Variants in GLI3 observed in about 807,000 individuals in gnomAD.
GLI3 encodes the protein transcription activator GLI3.
Under a neutral mutation model 100.8 loss-of-function variants are expected in GLI3, and 20 were observed. The ratio of observed to expected loss-of-function variants is 0.20; its 90% CI spans 0.14 to 0.29. GLI3 has a LOEUF of 0.29. Among genes scored for constraint, GLI3 ranks in the 10% least tolerant of loss-of-function variants. The pLI is 1.00. For synonymous variants in GLI3, 938 were observed against 860.5 expected (o/e 1.09, Z -1.58); for missense variants, 2,040 against 2,128.5 (o/e 0.96, Z 0.82).
intron 2 of GLI3, among the ~76,000 whole-genome samples, chr7:42,187,917 C>T (rs1192383035): frequency 6.7e-6 from 1 of 148,870 alleles, no homozygotes; most frequent in Admixed American, 6.8e-5. Flanking sequence ...GCAGGAGAAT[C>T]GCTCGAACCC....
In GLI3 at chr7:42,052,272, T is replaced by C. The variant is rs570350061; in HGVS notation, c.474-3576A>G. On this transcript the variant is annotated intron_variant, in intron 4 of 14. Coordinates refer to ENST00000395925, the MANE Select transcript of GLI3 (RefSeq NM_000168.6). Reference sequence around the variant, plus strand: ...ATTATGAATAAAGCTGCTATAAACATCTGTGTCCAGGTTTTTTGTGTGGAA... The same window carrying C: ...ATTATGAATAAAGCTGCTATAAACACCTGTGTCCAGGTTTTTTGTGTGGAA... 2.0e-5 allele frequency among the ~76,000 whole-genome samples: 3 copies of C among 152,340 alleles called. No homozygotes were observed. In the South Asian group the frequency reaches 6.2e-4, roughly 32 times the overall value.
chr7:42,051,171 G>A (rs989654281), intron 4 of GLI3, among the ~76,000 whole-genome samples: 2 of 152,204 alleles, frequency 1.3e-5, no homozygotes, highest in African/African-American at 4.8e-5. Context: ...AGAAGCAACA[G>A]TGGAAAGGAG....
At chr7:42,200,179 A>C (rs1434287201) in intron 2 of GLI3, among the ~76,000 whole-genome samples, 1 of 152,206 alleles carries the variant, frequency 6.6e-6, no homozygotes, top group Non-Finnish European at 1.5e-5. Flanking sequence ...TCCGTCATGG[A>C]GGTCACGGAG....
intron 6 of GLI3, among the ~76,000 whole-genome samples, chr7:42,041,123 G>A (rs529611872): frequency 5.3e-5 from 8 of 152,306 alleles, no homozygotes; most frequent in South Asian, 2.1e-4. Context: ...GCATGATAAC[G>A]AGGTACAATG....
chr7:42,104,395 T>C (rs1452229008), intron 3 of GLI3, among the ~76,000 whole-genome samples: 1 of 152,102 alleles, frequency 6.6e-6, no homozygotes, highest in Non-Finnish European at 1.5e-5. Context: ...CCACTTCCCA[T>C]CTCTACAGTG....
At chr7:42,112,743 C>T (rs970637792) in intron 3 of GLI3, among the ~76,000 whole-genome samples, 8 of 152,112 alleles carry the variant, frequency 5.3e-5, no homozygotes, top group Admixed American at 2.6e-4. Context: ...GGGCTAGAAA[C>T]GTGTTCTCCC....
intron 2 of GLI3, among the ~76,000 whole-genome samples, chr7:42,213,347 C>T (rs1410645136): frequency 6.6e-6 from 1 of 152,208 alleles, no homozygotes; most frequent in Non-Finnish European, 1.5e-5. Flanking sequence ...CTGAAATGGT[C>T]ACTTCGGGAA....
intron 3 of GLI3, among the ~76,000 whole-genome samples, chr7:42,132,693 C>T (rs1188332664): frequency 3.3e-5 from 5 of 152,198 alleles, no homozygotes; most frequent in African/African-American, 4.8e-5. Context: ...TCTTTATAAC[C>T]TCTCAGTGGA....
chr7:42,244,439 T>G (rs1462547162), intron 1 of GLI3, among the ~76,000 whole-genome samples: 1 of 152,174 alleles, frequency 6.6e-6, no homozygotes, highest in Non-Finnish European at 1.5e-5. Flanking sequence ...AACCAGCACT[T>G]TTGTATGAAG....
rs757597719 is a variant in GLI3 at position 41,972,495 on chromosome 7, G to A, written c.1945C>T (p.Arg649Trp). Reference sequence around the variant, plus strand: ...CCGGAATCTCTCGGGGGTGGCGGCCGAGGATGGATGTCCCCTCGCTGCTTC... The same window carrying A: ...CCGGAATCTCTCGGGGGTGGCGGCCAAGGATGGATGTCCCCTCGCTGCTTC... ...TKKQRGDIHP[R>W]PPPPRDSGSH... Residue 649 changes from arginine (R) to tryptophan (W), a missense_variant, in exon 13 of 15, where the codon CGG (arginine) becomes TGG (tryptophan). Around this residue, in one of 5 missense-constraint regions of GLI3, gnomAD observed 327 missense variants for 338.7 expected, o/e 0.97. Coordinates refer to ENST00000395925, the MANE Select transcript of GLI3 (RefSeq NM_000168.6). The surrounding 1 kb of genome is among the most constrained non-coding windows in gnomAD (Gnocchi z 4.4). The A allele has an allele frequency of 8.7e-6, 14 of 1,613,138 alleles. No individual in the cohort carries two copies. The highest frequency in any genetic ancestry group is 1.2e-5 in the Non-Finnish European group (14 of 1,179,922).
chr7:41,966,232 G>C lies in GLI3; in HGVS notation c.2841C>G (p.Asn947Lys), dbSNP rs755763182. ...GCGTCTTCAGGCTCATCCTCTCCAT[G>C]TTGGGCAGGGGCGTCGGCGGCGGCC... is the stretch of plus-strand genomic sequence containing the variant. ...TGGPPPTPLP[N>K]MERMSLKTRL... is the part of the protein sequence containing the mutation. Residue 947 changes from asparagine to lysine, a missense_variant, in exon 15 of 15, where the codon AAC becomes AAG. This residue lies in a region of GLI3 where 1,041 missense variants were observed against 924.0 expected (regional missense o/e 1.13). Transcript: ENST00000395925. This position sits in a 1 kb window ranked among gnomAD's most constrained non-coding sequence, Gnocchi z 5.8. 1 of 1,608,948 alleles carries C rather than the reference G, an allele frequency of 6.2e-7. No individual in the cohort carries two copies. Among genetic ancestry groups the C allele is most frequent in the Admixed American group, 1.7e-5 (1 of 59,936 alleles).
intron 4 of GLI3, among the ~76,000 whole-genome samples, chr7:42,056,969 C>A (rs986875852): frequency 7.7e-6 from 1 of 130,426 alleles, no homozygotes; most frequent in South Asian, 2.6e-4. Context: ...GCAATAAGAG[C>A]GAAACTCCGT....
chr7:42,206,014 T>C (rs989875924), intron 2 of GLI3, among the ~76,000 whole-genome samples: 4 of 152,192 alleles, frequency 2.6e-5, no homozygotes, highest in African/African-American at 9.6e-5. Context: ...ATGCCTGTAA[T>C]CCCAGCACTT....
intron 2 of GLI3, among the ~76,000 whole-genome samples, chr7:42,189,798 TAAC>T (rs1383328151): frequency 6.6e-6 from 1 of 152,156 alleles, no homozygotes; most frequent in African/African-American, 2.4e-5. Context: ...TGCTGATTAT[TAAC>T]AACAGGATGA....
At chr7:42,262,783 T>C (rs1789159164) in intron 1 of GLI3, among the ~76,000 whole-genome samples, 1 of 152,218 alleles carries the variant, frequency 6.6e-6, no homozygotes, top group Admixed American at 6.5e-5. Context: ...TTGAAGATAC[T>C]TTCCTAACAT....
At chr7:42,236,609 G>A (rs1055440186) in intron 1 of GLI3, among the ~76,000 whole-genome samples, 44 of 152,194 alleles carry the variant, frequency 2.9e-4, no homozygotes, top group African/African-American at 1.0e-3. Flanking sequence ...GCAAAGGAAG[G>A]AGCCAGGCGC....
chr7:42,059,849 G>A (rs569611376), intron 4 of GLI3, among the ~76,000 whole-genome samples: 6 of 152,378 alleles, frequency 3.9e-5, no homozygotes, highest in African/African-American at 1.4e-4. Flanking sequence ...TTTCCCTTGG[G>A]TAGTCCCTTT....
intron 2 of GLI3, among the ~76,000 whole-genome samples, chr7:42,161,739 C>T (rs1034653755): frequency 6.6e-6 from 1 of 152,220 alleles, no homozygotes; most frequent in Non-Finnish European, 1.5e-5. Flanking sequence ...GTGGCACATA[C>T]ATTTGTTAAT....
At chr7:42,002,771 G>A (rs958542969) in intron 10 of GLI3, among the ~76,000 whole-genome samples, 1 of 152,212 alleles carries the variant, frequency 6.6e-6, no homozygotes, top group Admixed American at 6.5e-5. Context: ...TATTGGCACA[G>A]TTTGTAAGAA....
Sources: gnomAD v4.1 joint callset for allele counts (sites outside exome capture counted in the v4.1 genomes callset) on GRCh38, gnomAD v4.1.1 for gene constraint, gnomAD v4.1.1 regional missense constraint, Gnocchi (gnomAD v3.1) non-coding constraint, MANE v1.5 for transcripts, NCBI Gene and HGNC (gene_info 2026-07-23, HGNC 2026-07-21) for gene names.